Variants in LINGO2 observed in about 807,000 individuals in gnomAD.
LINGO2 encodes the protein leucine-rich repeat and immunoglobulin-like domain-containing nogo receptor-interacting protein 2.
In LINGO2, 14 loss-of-function variants were observed where a neutral mutation model predicts 30.6. That is an observed-to-expected ratio of 0.46 (90% CI 0.30 to 0.72). LINGO2 has a LOEUF of 0.72. Among genes scored for constraint, LINGO2 ranks in the 30% least tolerant of loss-of-function variants. The probability of loss-of-function intolerance (pLI) is 0.07; values close to 1 mark genes in which losing one functional copy is unlikely to be tolerated. For missense variants in LINGO2, 729 were observed against 751.7 expected (o/e 0.97, Z 0.35); for synonymous variants, 317 against 288.5 (o/e 1.10, Z -1.00).
At chr9:28,340,225 G>A (rs1207223651) in intron 3 of LINGO2, among the ~76,000 whole-genome samples, 2 of 152,062 alleles carry the variant, frequency 1.3e-5, no homozygotes, top group African/African-American at 4.8e-5. Context: ...TACATAAGAT[G>A]GACAATTCAT....
the LINGO2 span, among the ~76,000 whole-genome samples, chr9:28,885,356 T>TACACACACACACACACACACAC: frequency 2.3e-5 from 3 of 132,970 alleles, no homozygotes; most frequent in South Asian, 7.1e-4. Context: ...GAGATATATA[T>TACACACACACACACACACACAC]ATATACACAC....
At chr9:28,918,443 C>A in the LINGO2 span, among the ~76,000 whole-genome samples, 1 of 152,098 alleles carries the variant, frequency 6.6e-6, no homozygotes, top group Admixed American at 6.6e-5. Context: ...AAATTGAAAT[C>A]ATTTGGACAA....
chr9:28,148,658 G>A lies in LINGO2; in HGVS notation c.-86-136253C>T. On this transcript the variant is annotated intron_variant, in intron 4 of 5. Transcript: ENST00000379992. This position sits in a 1 kb window ranked among gnomAD's most constrained non-coding sequence, Gnocchi z 5.1. The stretch of plus-strand genomic sequence containing the variant: ...GACAGAAAACAACCAGACTGACAAG[G>A]CCCAGGTGCCTGCAGTGAGTTTCTA... 6.5e-7 allele frequency: 1 copy of A among 1,532,622 alleles called. No homozygotes were observed. Among genetic ancestry groups the A allele is most frequent in the South Asian group, 1.2e-5 (1 of 83,932 alleles). The allele number at this position is 1,532,622 out of a possible 1,614,324, so 94.9% of individuals were successfully genotyped here.
intron 4 of LINGO2, among the ~76,000 whole-genome samples, chr9:28,067,496 G>A (rs1825349024): frequency 6.6e-6 from 1 of 152,128 alleles, no homozygotes; most frequent in African/African-American, 2.4e-5. Flanking sequence ...GGAGTTAGTT[G>A]AACATGTGTT....
chr9:28,979,776 G>A, the LINGO2 span, among the ~76,000 whole-genome samples: 2 of 152,074 alleles, frequency 1.3e-5, no homozygotes, highest in Admixed American at 1.3e-4. Context: ...ATTGAATCGT[G>A]TGCTGGACAA....
chr9:28,073,424 A>G lies in LINGO2; in HGVS notation c.-86-61019T>C, dbSNP rs114103637. Among the ~76,000 whole-genome samples, 1,214 of 152,250 alleles carry G rather than the reference A, an allele frequency of 8.0e-3. 12 individuals are homozygous for G. The highest frequency in any genetic ancestry group is 0.027 in the African/African-American group (1,126 of 41,552). On this transcript the variant is annotated intron_variant, in intron 4 of 5. Coordinates refer to ENST00000379992, the Ensembl canonical transcript of LINGO2. ...ATATATTAATAGTTAAAACAAAAAC[A>G]AAACAAAACTCTTTTAGGTTAGTTC... is the stretch of plus-strand genomic sequence containing the variant.
chr9:28,322,306 A>G (rs1188292858), intron 3 of LINGO2, among the ~76,000 whole-genome samples: 1 of 152,066 alleles, frequency 6.6e-6, no homozygotes, highest in East Asian at 1.9e-4. Context: ...TTAATCAATG[A>G]CTTCCTATCA....
the LINGO2 span, among the ~76,000 whole-genome samples, chr9:28,906,355 ATTTATCCT>A: frequency 4.6e-5 from 7 of 151,990 alleles, no homozygotes; most frequent in African/African-American, 1.7e-4. Context: ...AATTAGCTCA[ATTTATCCT>A]TTCCAAATGT....
At chr9:27,985,452 C>G (rs79168485) in intron 5 of LINGO2, among the ~76,000 whole-genome samples, 6,348 of 151,930 alleles carry the variant, frequency 0.042, 265 homozygotes, top group Admixed American at 0.094. Flanking sequence ...GAGCCCTTGG[C>G]TTGAAGGCTA....
chr9:29,100,609 AC>A, the LINGO2 span, among the ~76,000 whole-genome samples: 2 of 151,918 alleles, frequency 1.3e-5, no homozygotes, highest in African/African-American at 4.8e-5. Context: ...AAAAAAAGCT[AC>A]AAAAAATAGT....
At position 28,346,416 on chromosome 9, in the gene LINGO2, G is replaced by A. The variant is rs144816472; in HGVS notation, c.-246+26420C>T. Among the ~76,000 whole-genome samples the A allele has an allele frequency of 1.2e-4, 18 of 152,136 alleles. No homozygotes were observed. In the East Asian group the frequency reaches 3.1e-3, roughly 26 times the overall value. ...TGCATAGTAGTCCATGGTGTACCAC[G>A]TTTTCTTTATCCAGTCTATTATTGA... is the stretch of plus-strand genomic sequence containing the variant. On this transcript the variant is annotated intron_variant, in intron 3 of 5. Coordinates refer to ENST00000379992, the Ensembl canonical transcript of LINGO2.
At chr9:28,178,891 G>A (rs929917965) in intron 4 of LINGO2, among the ~76,000 whole-genome samples, 4 of 152,044 alleles carry the variant, frequency 2.6e-5, no homozygotes, top group Admixed American at 6.6e-5. Context: ...TTTCTAAGTG[G>A]GAAACGATAC....
At chr9:27,993,037 C>G (rs922839486) in intron 5 of LINGO2, among the ~76,000 whole-genome samples, 1 of 152,060 alleles carries the variant, frequency 6.6e-6, no homozygotes, top group African/African-American at 2.4e-5. Flanking sequence ...CAATCATTGT[C>G]TGGATAAAAA....
chr9:28,292,788 T>C (rs938164957), intron 4 of LINGO2, among the ~76,000 whole-genome samples: 11 of 151,700 alleles, frequency 7.3e-5, no homozygotes, highest in Admixed American at 6.6e-4. Context: ...TCTTTCTTTT[T>C]GAGATGGAAT....
chr9:29,067,988 A>T, the LINGO2 span, among the ~76,000 whole-genome samples: 1 of 151,830 alleles, frequency 6.6e-6, no homozygotes, highest in Admixed American at 6.6e-5. Context: ...GTGATATGAT[A>T]CAAAAGAAGT....
At chr9:28,238,093 T>C (rs1587295868) in intron 4 of LINGO2, among the ~76,000 whole-genome samples, 1 of 151,950 alleles carries the variant, frequency 6.6e-6, no homozygotes, top group Admixed American at 6.6e-5. Flanking sequence ...CAATTTTAAA[T>C]ATATATGCAT....
intron 4 of LINGO2, among the ~76,000 whole-genome samples, chr9:28,059,315 A>G (rs1825066483): frequency 6.6e-6 from 1 of 152,144 alleles, no homozygotes; most frequent in African/African-American, 2.4e-5. Context: ...ATGTGCTCCC[A>G]GAGCTCGGGG....
At chr9:27,949,175 A>G (rs965089089) in exon 6 of LINGO2, 1 of 1,613,980 alleles carries the variant, frequency 6.2e-7, no homozygotes, top group Non-Finnish European at 8.5e-7. Flanking sequence ...ATCCTTTCAC[A>G]GTTAAGGAGG....
At chr9:28,017,279 A>G (rs1463933868) in intron 4 of LINGO2, among the ~76,000 whole-genome samples, 1 of 152,186 alleles carries the variant, frequency 6.6e-6, no homozygotes, top group Non-Finnish European at 1.5e-5. Context: ...GAGAACTAGA[A>G]TACCACAAGG....
Sources: allele counts gnomAD v4.1 joint callset (sites outside exome capture counted in the v4.1 genomes callset), GRCh38; gene constraint gnomAD v4.1.1; non-coding constraint Gnocchi (gnomAD v3.1); transcripts MANE v1.5; gene names NCBI Gene and HGNC (gene_info 2026-07-23, HGNC 2026-07-21).